C6orf89: variants seen among roughly 807,000 people sequenced by gnomAD.
C6orf89 encodes the protein chromosome 6 open reading frame 89.
In C6orf89, 29 loss-of-function variants were observed where a neutral mutation model predicts 40.7. The observed-to-expected ratio is 0.71, with a 90% confidence interval of 0.53 to 0.97. The LOEUF is 0.97. C6orf89 is among the 50% of genes least tolerant of loss of function. The probability of loss-of-function intolerance (pLI) is 0.00; values close to 1 mark genes in which losing one functional copy is unlikely to be tolerated. For synonymous variants in C6orf89, 165 were observed against 152.2 expected (o/e 1.08, Z -0.62); for missense variants, 392 against 429.1 (o/e 0.91, Z 0.76).
rs1225317306 is a variant in C6orf89, at chr6:36,885,976, C to A, written c.-172C>A. ...CAGGAAGTTGCCCATCCTCCTCGCC[C>A]GGCGGCAGCTGTCCCCGAGGCGGGA... On this transcript the variant is annotated 5_prime_UTR_variant, in exon 1 of 9. Coordinates refer to ENST00000480824, the MANE Select transcript of C6orf89 (RefSeq NM_001286635.2). The A allele has an allele frequency of 3.2e-6, 4 of 1,262,162 alleles. No homozygotes were observed. The highest frequency in any genetic ancestry group is 1.6e-5 in the African/African-American group (1 of 62,710). 78.2% of individuals were successfully genotyped at this position (1,262,162 alleles called of 1,614,324 possible). A position where few individuals can be genotyped will look rare whatever the true frequency, so the allele number is the denominator to read the frequency against.
At chr6:36,900,337 G>T (rs1344094975) in intron 3 of C6orf89, among the ~76,000 whole-genome samples, 3 of 150,356 alleles carry the variant, frequency 2.0e-5, no homozygotes, top group Non-Finnish European at 4.4e-5. Flanking sequence ...AAGTAGCTGG[G>T]ATTACAGCCA....
At chr6:36,915,687 C>G (rs982854885) in intron 6 of C6orf89, among the ~76,000 whole-genome samples, 2 of 144,446 alleles carry the variant, frequency 1.4e-5, no homozygotes, top group African/African-American at 5.2e-5. Context: ...GCCTGGGCGA[C>G]AAAGTGAGAC....
At chr6:36,879,417 C>T (rs1468973460) in intron 2 of C6orf89, among the ~76,000 whole-genome samples, 1 of 152,094 alleles carries the variant, frequency 6.6e-6, no homozygotes, top group Admixed American at 6.5e-5. Flanking sequence ...GATGGTGTGG[C>T]AAGCTGGGTC....
chr6:36,913,022 G>T (rs915429255), intron 4 of C6orf89, among the ~76,000 whole-genome samples: 1 of 152,166 alleles, frequency 6.6e-6, no homozygotes, highest in Non-Finnish European at 1.5e-5. Flanking sequence ...GTTTTAATCA[G>T]AACCGTCTTC....
At chr6:36,894,734 G>C in intron 2 of C6orf89, 131 bp downstream of exon 2, 1 of 171,078 alleles carries the variant, frequency 5.8e-6, no homozygotes, top group Non-Finnish European at 1.2e-5. Flanking sequence ...TGGGATCACA[G>C]TGGTGATTCA....
intron 1 of C6orf89, among the ~76,000 whole-genome samples, chr6:36,876,756 AGAAGAAG>A (rs1422211077): frequency 6.9e-6 from 1 of 144,374 alleles, no homozygotes; most frequent in African/African-American, 2.6e-5. Context: ...AAGAAGAAGA[AGAAGAAG>A]AAACACAGTT....
At chr6:36,885,448 A>G (rs1774938738), upstream of C6orf89, among the ~76,000 whole-genome samples, 1 of 152,184 alleles carries the variant, frequency 6.6e-6, no homozygotes, top group South Asian at 2.1e-4. Flanking sequence ...CCATTGCTCA[A>G]TTAAACTCCT....
At chr6:36,885,798 C>T (rs1774952635), upstream of C6orf89, 2 of 392,822 alleles carry the variant, frequency 5.1e-6, no homozygotes, top group East Asian at 3.6e-5. Context: ...GAGCAAGAAC[C>T]TACACTCTCC....
At chr6:36,877,471 C>T (rs1561852152) in intron 1 of C6orf89, among the ~76,000 whole-genome samples, 3 of 152,220 alleles carry the variant, frequency 2.0e-5, no homozygotes, top group Non-Finnish European at 4.4e-5. Context: ...GCTGGGACTA[C>T]AGGCGCATGC....
At chr6:36,872,847 C>T (rs1242658068) in intron 1 of C6orf89, among the ~76,000 whole-genome samples, 1 of 152,148 alleles carries the variant, frequency 6.6e-6, no homozygotes, top group Non-Finnish European at 1.5e-5. Context: ...TGGGCTCAAG[C>T]AATCTACCTG....
chr6:36,876,221 C>T (rs1774648434), intron 1 of C6orf89, among the ~76,000 whole-genome samples: 1 of 152,010 alleles, frequency 6.6e-6, no homozygotes, highest in African/African-American at 2.4e-5. Context: ...CATTCCCAGG[C>T]TCCAATGTCT....
rs1383223588 is a variant in C6orf89, at chr6:36,894,496, A to G, written c.-119-8A>G. 5.1e-6 allele frequency: 5 copies of G among 982,806 alleles called. No homozygotes were observed. The highest frequency in any genetic ancestry group is 4.7e-5 in the South Asian group (1 of 21,240). The allele number at this position is 982,806 out of a possible 1,614,324, so 60.9% of individuals were successfully genotyped here. On this transcript the variant is annotated splice_polypyrimidine_tract_variant and splice_region_variant and intron_variant, in intron 1 of 8. Coordinates refer to ENST00000480824, the MANE Select transcript of C6orf89 (RefSeq NM_001286635.2). ...TTGTAATAAGTTATCCCTTTACTCT[A>G]TTTGCAGGAATCATTGTAGTCAATC... is the stretch of plus-strand genomic sequence containing the variant.
intron 4 of C6orf89, among the ~76,000 whole-genome samples, chr6:36,913,814 A>G (rs948025713): frequency 3.3e-5 from 5 of 150,412 alleles, no homozygotes; most frequent in South Asian, 2.1e-4. Context: ...AGGCTGCTTC[A>G]TATATACCTT....
chr6:36,919,397 A>T (rs1378138760), intron 7 of C6orf89, among the ~76,000 whole-genome samples, 181 bp from the exon 8 acceptor site: 1 of 152,200 alleles, frequency 6.6e-6, no homozygotes, highest in African/African-American at 2.4e-5. Flanking sequence ...TTCTTAGGAG[A>T]AAGTAGTTTG....
intron 4 of C6orf89, among the ~76,000 whole-genome samples, 157 bp from the exon 5 acceptor site, chr6:36,914,127 T>C (rs1762226271): frequency 6.6e-6 from 1 of 152,112 alleles, no homozygotes; most frequent in African/African-American, 2.4e-5. Flanking sequence ...ACCACTGCAC[T>C]CCAGCCTGGG....
At chr6:36,885,892 C>A (rs900510628), upstream of C6orf89, 2 of 676,812 alleles carry the variant, frequency 3.0e-6, no homozygotes, top group Non-Finnish European at 4.0e-6. Flanking sequence ...AGGAATTACT[C>A]TAGGGTACAA....
chr6:36,916,664 C>T (rs1362725395), intron 7 of C6orf89, 90 bp downstream of exon 7: 3 of 1,513,840 alleles, frequency 2.0e-6, no homozygotes, highest in Non-Finnish European at 2.7e-6. Context: ...TGCATATTGG[C>T]TTAGAGGGTT....
chr6:36,882,481 A>T (rs1774840220), upstream of C6orf89, among the ~76,000 whole-genome samples: 3 of 152,244 alleles, frequency 2.0e-5, no homozygotes, highest in African/African-American at 7.2e-5. Context: ...AAGAACCAGG[A>T]TGGCCACCTT....
At chr6:36,880,314 C>G (rs1774771497) in intron 2 of C6orf89, among the ~76,000 whole-genome samples, 1 of 152,158 alleles carries the variant, frequency 6.6e-6, no homozygotes, top group African/African-American at 2.4e-5. Flanking sequence ...TTTTCCTGGC[C>G]CTGTTCCTCC....
Sources: gnomAD v4.1 joint callset for allele counts (sites outside exome capture counted in the v4.1 genomes callset) on GRCh38, gnomAD v4.1.1 for gene constraint, MANE v1.5 for transcripts, NCBI Gene and HGNC (gene_info 2026-07-23, HGNC 2026-07-21) for gene names.